The following TLE2 variants were observed in gnomAD, a reference collection of about 807,000 sequenced individuals.
TLE2 encodes TLE family member 2, transcriptional corepressor.
Under a neutral mutation model 97.2 loss-of-function variants are expected in TLE2, and 74 were observed. The ratio of observed to expected loss-of-function variants is 0.76; its 90% CI spans 0.63 to 0.92. The LOEUF is 0.92. Ranked by LOEUF, TLE2 falls within the 40% of genes least tolerant of loss-of-function variation. The pLI is 0.00. For synonymous variants in TLE2, 499 were observed against 432.1 expected (o/e 1.15, Z -1.92); for missense variants, 1,038 against 1,008.7 (o/e 1.03, Z -0.39).
At chr19:3,010,129 C>G (rs539741238) in intron 12 of TLE2, among the ~76,000 whole-genome samples, 2 of 151,540 alleles carry the variant, frequency 1.3e-5, no homozygotes, top group Admixed American at 6.6e-5. Context: ...TTTGGGAGGC[C>G]GAGGTGGGCG....
chr19:3,013,986 G>A (rs1432667564), intron 10 of TLE2, among the ~76,000 whole-genome samples, 168 bp from the exon 11 acceptor site: 1 of 112,528 alleles, frequency 8.9e-6, no homozygotes, highest in Non-Finnish European at 2.0e-5. Context: ...TCTGTAAAAT[G>A]TATTTTTTTT....
At position 3,006,494 on chromosome 19, in the gene TLE2, C is replaced by G; in HGVS notation, c.1426G>C (p.Gly476Arg). Residue 476 changes from glycine to arginine, a missense_variant, in exon 15 of 20, where the codon GGC becomes CGC. Gly to Arg is a moderately radical substitution (Grantham distance 125, BLOSUM62 -2). Coordinates refer to ENST00000262953, the MANE Select transcript of TLE2 (RefSeq NM_003260.5). ...TCCCACACCTTCACACAGCCCTTGCCGCCCGTGTACACATGCTGTGTGGAG... is the reference window on the plus strand; with the variant it reads ...TCCCACACCTTCACACAGCCCTTGCGGCCCGTGTACACATGCTGTGTGGAG... ...SGSTQHVYTG[G>R]KGCVKVWDVG... The G allele has an allele frequency of 6.2e-7, 1 of 1,609,842 alleles. No homozygotes were observed. Among genetic ancestry groups the G allele is most frequent in the Non-Finnish European group, 8.5e-7 (1 of 1,178,942 alleles).
At chr19:3,008,819 T>TG (rs1318105672) in intron 14 of TLE2, 50 bp downstream of exon 14, 7 of 1,439,802 alleles carry the variant, frequency 4.9e-6, no homozygotes, top group African/African-American at 2.9e-5. Flanking sequence ...TCAGAGGAGG[T>TG]GGGGGGCTGG....
chr19:3,032,303 C>T (rs749912700), upstream of TLE2, among the ~76,000 whole-genome samples: 22 of 152,078 alleles, frequency 1.4e-4, no homozygotes, highest in Non-Finnish European at 2.2e-4. The surrounding 1 kb of genome is among the most constrained non-coding windows in gnomAD (Gnocchi z 4.1). Context: ...GGCGTGATCT[C>T]GGCTCACTGC....
In TLE2 at chr19:3,021,110, AAAAAG is replaced by A. The variant is rs776662749; in HGVS notation, c.295-1342_295-1338del. On this transcript the variant is annotated intron_variant, in intron 5 of 19. Coordinates refer to ENST00000262953, the MANE Select transcript of TLE2 (RefSeq NM_003260.5). Reference sequence around the variant, plus strand: ...TCTCAAAAAAAAAAAAAAAAAAAAAAAAAAGGGGGGGGGGTGCTGAGCGTGGTGAC... The same window carrying A: ...TCTCAAAAAAAAAAAAAAAAAAAAAAGGGGGGGGGTGCTGAGCGTGGTGAC... Among the ~76,000 whole-genome samples, 53 of 121,122 alleles carry A rather than the reference AAAAAG, an allele frequency of 4.4e-4. 2 individuals are homozygous for A. Among genetic ancestry groups the A allele is most frequent in the East Asian group, 1.5e-3 (6 of 3,950 alleles). 79.5% of individuals were successfully genotyped at this position (121,122 alleles called of 152,430 possible).
rs775649603 is a variant in TLE2 at position 3,028,945 on chromosome 19, G to A, written c.-41C>T. 8 of 1,602,162 alleles carry A rather than the reference G, an allele frequency of 5.0e-6. No individual in the cohort carries two copies. Among genetic ancestry groups the A allele is most frequent in the Admixed American group, 1.7e-5 (1 of 58,802 alleles). ...AGCCCCCCAGGCGCCACCAGAGCTT[G>A]ATGATATGGAGGCGGCAAGAGTGGG... On this transcript the variant is annotated 5_prime_UTR_variant, in exon 1 of 20. Coordinates refer to ENST00000262953, the MANE Select transcript of TLE2 (RefSeq NM_003260.5).
chr19:3,036,658 T>C (rs2090065451), intron 1 of TLE2, among the ~76,000 whole-genome samples: 1 of 152,208 alleles, frequency 6.6e-6, no homozygotes, highest in Non-Finnish European at 1.5e-5. Context: ...CCCAGGAACA[T>C]GAGGAGCCAT....
chr19:3,025,482 C>T (rs1463661134), intron 4 of TLE2: 2 of 1,016,700 alleles, frequency 2.0e-6, no homozygotes, highest in Admixed American at 5.8e-5. Flanking sequence ...CAGATTCCAG[C>T]CCCGGCTTGG....
chr19:3,030,786 A>C (rs2090017406), upstream of TLE2, among the ~76,000 whole-genome samples: 1 of 151,736 alleles, frequency 6.6e-6, no homozygotes, highest in Non-Finnish European at 1.5e-5. Context: ...GTATCTCTAC[A>C]AAAAATACAA....
At chr19:3,031,127 G>A (rs1382985956), upstream of TLE2, among the ~76,000 whole-genome samples, 2 of 152,056 alleles carry the variant, frequency 1.3e-5, no homozygotes, top group African/African-American at 4.8e-5. Context: ...GACAGGCTAG[G>A]CAGGTTCACA....
intron 19 of TLE2, among the ~76,000 whole-genome samples, chr19:3,000,228 C>T (rs1051447765): frequency 4.0e-5 from 6 of 150,596 alleles, no homozygotes; most frequent in African/African-American, 1.5e-4. Flanking sequence ...CCCACCACCA[C>T]GCCTGGCTAA....
At chr19:3,038,719 C>T (rs1167162728) in intron 1 of TLE2, among the ~76,000 whole-genome samples, 1 of 152,156 alleles carries the variant, frequency 6.6e-6, no homozygotes, top group Non-Finnish European at 1.5e-5. Context: ...ACCAGCCTGG[C>T]CAACATGGTG....
rs1341537363 is a variant in TLE2, at chr19:3,024,204, C to T, written c.294+816G>A. 3.3e-5 allele frequency among the ~76,000 whole-genome samples: 5 copies of T among 151,778 alleles called. No homozygotes were observed. The East Asian group carries it at 9.7e-4, about 30-fold the overall frequency. ...AAGTTTTAGCAGAGACAGGGTTTCA[C>T]CATGTTGGACAGGCTGGTCTCGAAC... On this transcript the variant is annotated intron_variant, in intron 5 of 19. Transcript: ENST00000262953.
upstream of TLE2, chr19:3,029,551 GTGGGAGC>G: frequency 1.1e-6 from 1 of 890,700 alleles, no homozygotes; most frequent in South Asian, 5.2e-5. Context: ...GTTACCCACC[GTGGGAGC>G]GGGGGGGGGG....
At chr19:2,998,268 T>C (rs2089266976) in intron 19 of TLE2, among the ~76,000 whole-genome samples, 1 of 127,948 alleles carries the variant, frequency 7.8e-6, no homozygotes, top group Non-Finnish European at 1.7e-5. Context: ...TGTGTGTGTG[T>C]GTGTGTGTAA....
chr19:3,016,419 CAAAAAAA>C lies in TLE2; in HGVS notation c.571-666_571-660del, dbSNP rs34669546. 2.4e-4 allele frequency among the ~76,000 whole-genome samples: 22 copies of C among 91,542 alleles called. 1 individual carries two copies. The South Asian group carries it at 3.1e-3, about 13-fold the overall frequency. The allele number at this position is 91,542 out of a possible 152,430, so 60.1% of individuals were successfully genotyped here. A position where few individuals can be genotyped will look rare whatever the true frequency, so the allele number is the denominator to read the frequency against. ...TGAAACCCCGTCTCTACTAAAAATA[CAAAAAAA>C]AAAAAAAAAAAAAATTAGCCGGGCA... On this transcript the variant is annotated intron_variant, in intron 8 of 19. Coordinates refer to ENST00000262953, the MANE Select transcript of TLE2 (RefSeq NM_003260.5).
intron 18 of TLE2, among the ~76,000 whole-genome samples, chr19:3,001,320 G>A (rs907593744): frequency 6.6e-6 from 1 of 151,644 alleles, no homozygotes; most frequent in Non-Finnish European, 1.5e-5. Flanking sequence ...TCACTATGCT[G>A]CCCAGACTGG....
chr19:3,009,470 G>C, intron 13 of TLE2, 72 bp downstream of exon 13: 1 of 1,481,820 alleles, frequency 6.7e-7, no homozygotes, highest in Middle Eastern at 2.4e-4. Flanking sequence ...TCCTTGTGTA[G>C]TTGGTTTCTC....
chr19:3,023,296 A>G (rs1416590323), intron 5 of TLE2, among the ~76,000 whole-genome samples: 4 of 152,130 alleles, frequency 2.6e-5, no homozygotes, highest in Non-Finnish European at 5.9e-5. Flanking sequence ...TTGGCCTCCC[A>G]AAGTGCTGGG....
Sources: gnomAD v4.1 joint callset for allele counts (sites outside exome capture counted in the v4.1 genomes callset) on GRCh38, gnomAD v4.1.1 for gene constraint, Gnocchi (gnomAD v3.1) non-coding constraint, MANE v1.5 for transcripts, NCBI Gene and HGNC (gene_info 2026-07-23, HGNC 2026-07-21) for gene names.